LAS1L: variants seen among roughly 807,000 people sequenced by gnomAD.
LAS1L encodes the protein LAS1 like ribosome biogenesis factor, also known as ribosomal biogenesis protein LAS1L.
Under a neutral mutation model 57.3 loss-of-function variants are expected in LAS1L, and 5 were observed. The ratio of observed to expected loss-of-function variants is 0.09; its 90% CI spans 0.05 to 0.18. The LOEUF is 0.18. Ranked by LOEUF, LAS1L falls within the 10% of genes least tolerant of loss-of-function variation. LAS1L has a pLI of 1.00. For missense variants in LAS1L, 360 were observed against 568.3 expected (o/e 0.63, Z 3.73); for synonymous variants, 245 against 231.7 (o/e 1.06, Z -0.52).
Position 65,534,495 on chromosome X carries a change from G to A in LAS1L, c.221C>T (p.Thr74Met), listed in dbSNP as rs1391312798. 1 of 1,204,443 alleles carries A rather than the reference G, an allele frequency of 8.3e-7. No individual in the cohort carries two copies. ...KLQRYALNRI[T>M]VWRSRSGNEL... ...GCCACCTTACCTGCTCCTCCACACC[G>A]TGATGCGGTTAAGCGCGTACCGCTG... Residue 74 changes from threonine to methionine, a missense_variant, in exon 1 of 14, where the codon ACG (threonine) becomes ATG (methionine). Physicochemically the swap from Thr to Met is moderately conservative, Grantham distance 81 (BLOSUM62 -1). This residue lies in a region of LAS1L where 25 missense variants were observed against 38.2 expected (regional missense o/e 0.65). Transcript: ENST00000374811.
chrX:65,528,427 C>A, intron 6 of LAS1L, 58 bp from the exon 7 acceptor site: 1 of 686,742 alleles, frequency 1.5e-6, no homozygotes. Context: ...CCACCTCCAC[C>A]CCTCCAGGAT....
At chrX:65,531,027 A>C (rs918652470) in intron 4 of LAS1L, among the ~76,000 whole-genome samples, 4 of 111,526 alleles carry the variant, frequency 3.6e-5, no homozygotes, top group Non-Finnish European at 7.5e-5. Flanking sequence ...AGGCAAAAAA[A>C]CCTCTGTAGT....
At chrX:65,520,865 T>C (rs989023618) in intron 11 of LAS1L, 103 of 752,165 alleles carry the variant, frequency 1.4e-4, no homozygotes, top group Middle Eastern at 7.6e-4. Context: ...AACCTCTCCA[T>C]GCTGCTCTTG....
intron 13 of LAS1L, 43 bp from the exon 14 acceptor site, chrX:65,512,944 T>A: frequency 8.8e-7 from 1 of 1,141,053 alleles, no homozygotes; most frequent in Non-Finnish European, 1.2e-6. Context: ...GAGGCAGCTT[T>A]AGGCTCTGGA....
chrX:65,525,665 C>T (rs902017611), intron 7 of LAS1L, among the ~76,000 whole-genome samples: 1 of 103,837 alleles, frequency 9.6e-6, no homozygotes, highest in Non-Finnish European at 1.9e-5. Flanking sequence ...CCATTTATGC[C>T]GAGTGTTCCA....
intron 11 of LAS1L, among the ~76,000 whole-genome samples, chrX:65,519,599 G>A (rs1484163445): frequency 2.7e-5 from 3 of 112,007 alleles, no homozygotes; most frequent in East Asian, 2.8e-4. Flanking sequence ...AAAAGACGGC[G>A]CCAACAGCAA....
Position 65,529,608 on chromosome X carries a change from T to C in LAS1L, c.785A>G (p.His262Arg). The C allele has an allele frequency of 8.3e-7, 1 of 1,211,691 alleles. No homozygotes were observed. Among genetic ancestry groups the C allele is most frequent in the Non-Finnish European group, 1.1e-6 (1 of 895,431 alleles). Reference protein sequence around the residue: ...VDSHCKKALSHKELYERAREL... With the variant: ...VDSHCKKALSRKELYERAREL... ...AAAACACCTACCATATAGCTCTTTATGACTCAGGGCCTTTTTGCAATGAGA... is the reference window on the plus strand; with the variant it reads ...AAAACACCTACCATATAGCTCTTTACGACTCAGGGCCTTTTTGCAATGAGA... Residue 262 changes from histidine to arginine, a missense_variant, in exon 5 of 14, where the codon CAT becomes CGT. Coordinates refer to ENST00000374811, the MANE Select transcript of LAS1L (RefSeq NM_031206.7).
At chrX:65,518,609 C>A (rs1247163814) in intron 11 of LAS1L, 144 bp from the exon 12 acceptor site, 3 of 945,500 alleles carry the variant, frequency 3.2e-6, no homozygotes, top group Non-Finnish European at 4.2e-6. Context: ...AACATAGAAA[C>A]AACAGGACCA....
In LAS1L at chrX:65,529,654, T is replaced by C. The variant is rs775216960; in HGVS notation, c.739A>G (p.Lys247Glu). ...ESDVKADGDS[K>E]GSEEVDSHCK... The stretch of plus-strand genomic sequence containing the variant: ...TGAGAATCCACCTCTTCGCTGCCTT[T>C]GCTGTCTCCATCGGCCTTTACATCT... Residue 247 changes from lysine (K) to glutamate (E), a missense_variant, in exon 5 of 14, where the codon AAA becomes GAA. Transcript: ENST00000374811. 1 of 1,212,021 alleles carries C rather than the reference T, an allele frequency of 8.3e-7. No homozygotes were observed.
In LAS1L at chrX:65,518,206, CCTT is replaced by C. The variant is rs1473720054; in HGVS notation, c.1705_1707del (p.Lys569del). On this transcript the variant is annotated inframe_deletion, in exon 12 of 14. Transcript: ENST00000374811. The stretch of plus-strand genomic sequence containing the variant: ...TGGTCTGGCAAGACCTCTTTCTCCT[CCTT>C]CTCCTCTTCCTTGACATCATTAACA... 3.3e-6 allele frequency: 4 copies of C among 1,209,632 alleles called. No individual in the cohort carries two copies. Among genetic ancestry groups the C allele is most frequent in the East Asian group, 3.0e-5 (1 of 33,781 alleles).
chrX:65,514,534 G>GCACA (rs56718186), intron 13 of LAS1L, among the ~76,000 whole-genome samples: 1,080 of 88,830 alleles, frequency 0.012, 21 homozygotes, highest in African/African-American at 0.043. Flanking sequence ...GTGTGTGCCT[G>GCACA]CACACACACA....
At chrX:65,533,485 C>T (rs2069606312) in intron 2 of LAS1L, 125 bp downstream of exon 2, 1 of 578,987 alleles carries the variant, frequency 1.7e-6, no homozygotes, top group East Asian at 3.4e-5. Context: ...ACAGGCTGAT[C>T]CACAGTGAGG....
intron 11 of LAS1L, chrX:65,520,903 A>G (rs2068823319): frequency 5.3e-6 from 4 of 751,748 alleles, no homozygotes; most frequent in South Asian, 6.9e-5. Flanking sequence ...TTATATACAC[A>G]TGCCATGTTC....
chrX:65,528,133 G>A (rs1375794600), intron 7 of LAS1L, 127 bp downstream of exon 7: 5 of 463,305 alleles, frequency 1.1e-5, no homozygotes, highest in East Asian at 3.8e-5. Context: ...ACTGTGGAGG[G>A]GATCAGGATT....
At chrX:65,529,086 G>A (rs947697831) in intron 6 of LAS1L, 126 bp downstream of exon 6, 2 of 582,069 alleles carry the variant, frequency 3.4e-6, no homozygotes, top group Non-Finnish European at 6.0e-6. Flanking sequence ...CTCTTTCCGA[G>A]AAGTTCCCTC....
chrX:65,520,603 G>T (rs1479238657), intron 11 of LAS1L: 21 of 752,257 alleles, frequency 2.8e-5, no homozygotes, highest in Non-Finnish European at 3.1e-5. Flanking sequence ...ATAATACCTG[G>T]GCAAACCCCC....
chrX:65,529,901 T>C lies in LAS1L; in HGVS notation c.515-23A>G, dbSNP rs747846268. The C allele has an allele frequency of 1.6e-5, 19 of 1,198,976 alleles. No homozygotes were observed. The East Asian group carries it at 5.6e-4, about 36-fold the overall frequency. Reference sequence around the variant, plus strand: ...AGCCTAGAGGGGGGAAGGCAGGCAGTGCCACAGGATCAGGCAGGCAGCTAG... The same window carrying C: ...AGCCTAGAGGGGGGAAGGCAGGCAGCGCCACAGGATCAGGCAGGCAGCTAG... On this transcript the variant is annotated intron_variant, in intron 4 of 13. Transcript: ENST00000374811.
At chrX:65,526,180 C>T (rs2069132736) in intron 7 of LAS1L, among the ~76,000 whole-genome samples, 1 of 112,107 alleles carries the variant, frequency 8.9e-6, no homozygotes. Context: ...TGGCACCATG[C>T]TTCTCATACA....
intron 2 of LAS1L, 102 bp from the exon 3 acceptor site, chrX:65,532,732 T>C: frequency 3.6e-6 from 2 of 559,913 alleles, no homozygotes; most frequent in Non-Finnish European, 6.1e-6. Context: ...TTCCACCGAC[T>C]GTCCTGTCCT....
Sources: allele counts gnomAD v4.1 joint callset (sites outside exome capture counted in the v4.1 genomes callset), GRCh38; gene constraint gnomAD v4.1.1; regional missense constraint gnomAD v4.1.1; transcripts MANE v1.5; gene names NCBI Gene and HGNC (gene_info 2026-07-23, HGNC 2026-07-21).